Variants in MAP3K15 observed in about 807,000 individuals in gnomAD.
MAP3K15 encodes the protein MAPK/ERK kinase kinase 15.
MAP3K15 carries 124 observed loss-of-function variants against 99.5 expected under a neutral mutation model. That is an observed-to-expected ratio of 1.25 (90% CI 1.08 to 1.45). The LOEUF (loss-of-function observed/expected upper bound fraction) is 1.45. Ranked by LOEUF, MAP3K15 falls within the 40% of genes most tolerant of loss-of-function variation. The pLI, the probability that MAP3K15 is intolerant of heterozygous loss-of-function variation, is 0.00. For synonymous variants in MAP3K15, 494 were observed against 439.6 expected (o/e 1.12, Z -1.55); for missense variants, 1,242 against 1,079.7 (o/e 1.15, Z -2.11).
rs779965473 is a variant in MAP3K15, at chrX:19,370,994, C to T, written c.3365G>A (p.Arg1122Gln). The T allele has an allele frequency of 5.1e-6, 6 of 1,171,298 alleles. No homozygotes were observed. The highest frequency in any genetic ancestry group is 6.8e-6 in the Non-Finnish European group (6 of 882,608). ...WMFAMDNIIR[R>Q]AVQAAVTILI... ...AATGGTGACCGCGGCCTGCACCGCT[C>T]GGCGGATGATGTTGTCCATCGCGAA... is the stretch of plus-strand genomic sequence containing the variant. The change falls in exon 24 of 29, where the codon CGA (arginine) becomes CAA (glutamine). Residue 1122 changes from arginine to glutamine, a missense_variant. Physicochemically the swap from Arg to Gln is conservative, Grantham distance 43. Coordinates refer to ENST00000338883, the MANE Select transcript of MAP3K15 (RefSeq NM_001001671.4).
At chrX:19,478,608 G>A (rs773534689) in intron 3 of MAP3K15, among the ~76,000 whole-genome samples, 3 of 109,926 alleles carry the variant, frequency 2.7e-5, no homozygotes, top group African/African-American at 9.9e-5. Context: ...GTTTTTCAAA[G>A]AATTTCTAAT....
chrX:19,445,514 G>A (rs1437455538), intron 6 of MAP3K15, among the ~76,000 whole-genome samples: 7 of 102,547 alleles, frequency 6.8e-5, no homozygotes, highest in African/African-American at 2.2e-4. Context: ...CGCTTGAACC[G>A]AGGAGGCAGA....
chrX:19,420,225 C>A (rs1198526958), intron 9 of MAP3K15, among the ~76,000 whole-genome samples: 1 of 111,324 alleles, frequency 9.0e-6, no homozygotes, highest in South Asian at 3.8e-4. Flanking sequence ...ACAAAAAACC[C>A]TTCAAAAAAA....
intron 9 of MAP3K15, among the ~76,000 whole-genome samples, chrX:19,422,750 T>G (rs764863778): frequency 1.9e-3 from 209 of 112,016 alleles, no homozygotes; most frequent in Non-Finnish European, 3.0e-3. Flanking sequence ...GTGGCACTAT[T>G]CACAATAGCA....
At chrX:19,501,519 T>C (rs2147423532) in intron 1 of MAP3K15, among the ~76,000 whole-genome samples, 1 of 111,796 alleles carries the variant, frequency 8.9e-6, no homozygotes, top group Admixed American at 9.6e-5. Context: ...AAGTGCACTC[T>C]ATCTATGGCC....
intron 18 of MAP3K15, among the ~76,000 whole-genome samples, chrX:19,385,479 G>A (rs950816215): frequency 5.4e-5 from 6 of 111,352 alleles, no homozygotes; most frequent in African/African-American, 9.8e-5. Context: ...CACATTCAAC[G>A]GGAGGGAACT....
At chrX:19,505,895 C>T (rs112314996) in intron 1 of MAP3K15, among the ~76,000 whole-genome samples, 1,640 of 108,050 alleles carry the variant, frequency 0.015, 43 homozygotes, top group African/African-American at 0.051. Context: ...TACAAGTGCA[C>T]GCCACCACGC....
chrX:19,483,024 G>A (rs969152630), intron 3 of MAP3K15, among the ~76,000 whole-genome samples: 13 of 109,812 alleles, frequency 1.2e-4, no homozygotes, highest in African/African-American at 1.7e-4. Context: ...CAACGCGGGC[G>A]GATCATCTGA....
At position 19,462,050 on chromosome X, in the gene MAP3K15, G is replaced by A. The variant is rs754839362; in HGVS notation, c.720-1897C>T. ...ACACACACACACACAAAACAAAGCT[G>A]AAATGGACTAACTGCAGAGTGTAAA... On this transcript the variant is annotated intron_variant, in intron 4 of 28. Coordinates refer to ENST00000338883, the MANE Select transcript of MAP3K15 (RefSeq NM_001001671.4). Among the ~76,000 whole-genome samples the A allele has an allele frequency of 3.7e-5, 4 of 107,067 alleles. No homozygotes were observed. In the East Asian group the frequency reaches 1.2e-3, roughly 31 times the overall value. 93.0% of individuals were successfully genotyped at this position (107,067 alleles called of 115,157 possible). A position where few individuals can be genotyped will look rare whatever the true frequency, so the allele number is the denominator to read the frequency against.
At chrX:19,381,115 G>A (rs2063455299) in intron 18 of MAP3K15, among the ~76,000 whole-genome samples, 1 of 111,769 alleles carries the variant, frequency 8.9e-6, no homozygotes, top group Non-Finnish European at 1.9e-5. Flanking sequence ...ATAAAATAGG[G>A]TTTGACTCTC....
In MAP3K15 at chrX:19,413,401, C is replaced by T. The variant is rs200566465; in HGVS notation, c.1654G>A (p.Glu552Lys). ...PSYVSINNEA[E>K]ERTVSLWHVS... ...TGCCATAAAGAAACTGTTCTCTCCT[C>T]GGCTTCATTGTTTATGGAAACATAA... The change falls in exon 11 of 29, where the codon GAG (glutamate) becomes AAG (lysine). Residue 552 changes from glutamate (E) to lysine (K), a missense_variant. Physicochemically the swap from Glu to Lys is moderately conservative, Grantham distance 56. Transcript: ENST00000338883. 1.0e-4 allele frequency: 126 copies of T among 1,206,329 alleles called. No homozygotes were observed. Among genetic ancestry groups the T allele is most frequent in the African/African-American group, 1.2e-4 (7 of 56,895 alleles).
At position 19,431,675 on chromosome X, in the gene MAP3K15, G is replaced by C. The variant is rs1602304357; in HGVS notation, c.996-67C>G. ...GACAATGGAGTAGAGGCCAGGTGCA[G>C]TGGCTCCCACCTGTAATCCCAGCAC... On this transcript the variant is annotated intron_variant, in intron 6 of 28. Transcript: ENST00000338883. 1.2e-5 allele frequency: 12 copies of C among 987,772 alleles called. 1 individual carries two copies. In the East Asian group the frequency reaches 3.9e-4, roughly 32 times the overall value. 81.4% of individuals were successfully genotyped at this position (987,772 alleles called of 1,213,427 possible). A position where few individuals can be genotyped will look rare whatever the true frequency, so the allele number is the denominator to read the frequency against.
At chrX:19,446,505 C>T (rs1030022552) in intron 6 of MAP3K15, among the ~76,000 whole-genome samples, 8 of 111,686 alleles carry the variant, frequency 7.2e-5, no homozygotes, top group African/African-American at 2.3e-4. Flanking sequence ...GTGGTGGAGT[C>T]GTAACCTGGC....
At position 19,490,229 on chromosome X, in the gene MAP3K15, G is replaced by A. The variant is rs765081121; in HGVS notation, c.362-1262C>T. Reference sequence around the variant, plus strand: ...AACAGTATATTGCTCAGTTTTGCATGTCTTTGAACTTCATATAAATGGTAT... The same window carrying A: ...AACAGTATATTGCTCAGTTTTGCATATCTTTGAACTTCATATAAATGGTAT... On this transcript the variant is annotated intron_variant, in intron 1 of 28. Coordinates refer to ENST00000338883, the MANE Select transcript of MAP3K15 (RefSeq NM_001001671.4). Among the ~76,000 whole-genome samples the A allele has an allele frequency of 1.1e-4, 12 of 109,318 alleles. No individual in the cohort carries two copies. The South Asian group carries it at 3.2e-3, about 29-fold the overall frequency. 94.9% of individuals were successfully genotyped at this position (109,318 alleles called of 115,157 possible).
At chrX:19,458,488 G>T (rs2064110184) in intron 5 of MAP3K15, among the ~76,000 whole-genome samples, 1 of 111,545 alleles carries the variant, frequency 9.0e-6, no homozygotes, top group Admixed American at 9.5e-5. Flanking sequence ...AGATCAGCCT[G>T]CCCAACATGG....
chrX:19,405,017 T>C (rs2063637230), intron 13 of MAP3K15, among the ~76,000 whole-genome samples: 1 of 111,638 alleles, frequency 9.0e-6, no homozygotes, highest in Non-Finnish European at 1.9e-5. Context: ...AGGTAAGTTG[T>C]ACTTCATCCA....
In MAP3K15 at chrX:19,400,563, G is replaced by A. The variant is rs368169625; in HGVS notation, c.1932+13C>T. On this transcript the variant is annotated intron_variant, in intron 14 of 28. Transcript: ENST00000338883. Reference sequence around the variant, plus strand: ...ATCAATGTTTTCCATATTCTAGATCGTCCATGACTCACCTCCAAGGTGTCT... The same window carrying A: ...ATCAATGTTTTCCATATTCTAGATCATCCATGACTCACCTCCAAGGTGTCT... The A allele has an allele frequency of 1.0e-4, 117 of 1,143,053 alleles. No individual in the cohort carries two copies. In the East Asian group the frequency reaches 2.0e-3, roughly 20 times the overall value. The allele number at this position is 1,143,053 out of a possible 1,213,427, so 94.2% of individuals were successfully genotyped here. A position where few individuals can be genotyped will look rare whatever the true frequency, so the allele number is the denominator to read the frequency against.
chrX:19,429,819 A>G (rs866354716), intron 7 of MAP3K15, among the ~76,000 whole-genome samples: 19 of 93,793 alleles, frequency 2.0e-4, no homozygotes, highest in Admixed American at 4.6e-4. Flanking sequence ...AGAGAGAGAG[A>G]GAGGAAGCAG....
chrX:19,402,976 T>C (rs1472583283), intron 13 of MAP3K15, among the ~76,000 whole-genome samples: 1 of 111,710 alleles, frequency 9.0e-6, no homozygotes, highest in Non-Finnish European at 1.9e-5. Flanking sequence ...ATGAATATTA[T>C]TTTAAGGGAA....
Sources: gnomAD v4.1 joint callset for allele counts (sites outside exome capture counted in the v4.1 genomes callset) on GRCh38, gnomAD v4.1.1 for gene constraint, MANE v1.5 for transcripts, NCBI Gene and HGNC (gene_info 2026-07-23, HGNC 2026-07-21) for gene names.